GPHN: variants seen among roughly 807,000 people sequenced by gnomAD.
GPHN encodes the protein gephyrin.
A neutral mutation model predicts 95.5 loss-of-function variants in GPHN; 17 were observed. That is an observed-to-expected ratio of 0.18 (90% CI 0.12 to 0.27). GPHN has a LOEUF of 0.27. Ranked by LOEUF, GPHN falls within the 10% of genes least tolerant of loss-of-function variation. GPHN has a pLI of 1.00. For missense variants in GPHN, 660 were observed against 978.1 expected (o/e 0.67, Z 4.34); for synonymous variants, 320 against 322.5 (o/e 0.99, Z 0.08).
At chr14:67,734,769 G>A in the GPHN span, among the ~76,000 whole-genome samples, 1 of 152,194 alleles carries the variant, frequency 6.6e-6, no homozygotes, top group African/African-American at 2.4e-5. Context: ...AGTGCTGACG[G>A]AGACACTCTT....
the GPHN span, among the ~76,000 whole-genome samples, chr14:67,339,109 C>T: frequency 6.6e-6 from 1 of 151,102 alleles, no homozygotes; most frequent in South Asian, 2.1e-4. Context: ...CAATTCCTTG[C>T]CTCAGCCTCC....
chr14:67,381,833 G>A, the GPHN span: 1 of 564,960 alleles, frequency 1.8e-6, no homozygotes, highest in Non-Finnish European at 3.1e-6. Context: ...AGTGGTTCTT[G>A]GTAATATTTC....
chr14:66,791,187 A>T (rs571310746), intron 3 of GPHN, among the ~76,000 whole-genome samples: 2 of 152,200 alleles, frequency 1.3e-5, no homozygotes, highest in East Asian at 3.9e-4. Flanking sequence ...CCCATCCTTT[A>T]CCTGGGTACC....
intron 5 of GPHN, among the ~76,000 whole-genome samples, chr14:66,892,277 GC>G (rs375783392): frequency 1.2e-3 from 179 of 152,168 alleles, no homozygotes; most frequent in African/African-American, 3.9e-3. Flanking sequence ...AAAAAAATTA[GC>G]CAGTCCTGGT....
At chr14:66,663,725 G>T (rs2065788664) in intron 1 of GPHN, among the ~76,000 whole-genome samples, 1 of 152,168 alleles carries the variant, frequency 6.6e-6, no homozygotes. Context: ...ATGGTCTGCT[G>T]TCTTCAAGAG....
chr14:67,537,992 A>C, the GPHN span, among the ~76,000 whole-genome samples: 1 of 152,206 alleles, frequency 6.6e-6, no homozygotes, highest in Non-Finnish European at 1.5e-5. Flanking sequence ...AATCAAGAAA[A>C]CTATGAGTTT....
At chr14:67,709,629 C>A in the GPHN span, among the ~76,000 whole-genome samples, 1 of 152,148 alleles carries the variant, frequency 6.6e-6, no homozygotes, top group Non-Finnish European at 1.5e-5. Context: ...GTCCCTGGGC[C>A]TTGAGGAGTT....
chr14:67,555,066 C>T, the GPHN span, among the ~76,000 whole-genome samples: 1 of 152,062 alleles, frequency 6.6e-6, no homozygotes, highest in Non-Finnish European at 1.5e-5. Flanking sequence ...GCGCACACCG[C>T]CACGCTCAGC....
Position 67,075,103 on chromosome 14 carries a change from C to A in GPHN, c.1145-13880C>A, listed in dbSNP as rs193239406. Among the ~76,000 whole-genome samples the A allele has an allele frequency of 3.8e-3, 581 of 152,284 alleles. 5 individuals are homozygous for A. The highest frequency in any genetic ancestry group is 0.013 in the African/African-American group (559 of 41,560). On this transcript the variant is annotated intron_variant, in intron 11 of 22. Coordinates refer to ENST00000478722, the MANE Select transcript of GPHN (RefSeq NM_020806.5). ...GAAAAATTAATTCCTGTCTTCAAAGCTTTATAGGACAGGCTGATTCTCCTG... is the reference window on the plus strand; with the variant it reads ...GAAAAATTAATTCCTGTCTTCAAAGATTTATAGGACAGGCTGATTCTCCTG...
At chr14:66,804,918 G>C (rs1022001968) in intron 3 of GPHN, among the ~76,000 whole-genome samples, 1 of 152,140 alleles carries the variant, frequency 6.6e-6, no homozygotes, top group African/African-American at 2.4e-5. Flanking sequence ...AAATAAAAAA[G>C]ATACTTCTGT....
chr14:67,280,743 A>G, the GPHN span, among the ~76,000 whole-genome samples: 2 of 151,484 alleles, frequency 1.3e-5, no homozygotes, highest in African/African-American at 4.9e-5. Context: ...TACCATGTAT[A>G]TGCCAGATTT....
At chr14:67,542,248 G>A in the GPHN span, among the ~76,000 whole-genome samples, 8 of 152,188 alleles carry the variant, frequency 5.3e-5, no homozygotes, top group African/African-American at 1.9e-4. Flanking sequence ...CATCACTTCC[G>A]GAGTCACCTG....
intron 18 of GPHN, among the ~76,000 whole-genome samples, chr14:67,156,168 AGT>A (rs2081573460): frequency 6.6e-6 from 1 of 152,222 alleles, no homozygotes; most frequent in Non-Finnish European, 1.5e-5. Flanking sequence ...AATGTAAATG[AGT>A]GTTGATCATG....
the GPHN span, among the ~76,000 whole-genome samples, chr14:67,632,773 T>G: frequency 8.6e-6 from 1 of 116,046 alleles, no homozygotes; most frequent in African/African-American, 3.0e-5. Context: ...GGAGGTCTCT[T>G]TCTTTATTTT....
intron 3 of GPHN, among the ~76,000 whole-genome samples, chr14:66,776,949 C>A (rs2059402719): frequency 6.6e-6 from 1 of 151,976 alleles, no homozygotes; most frequent in Non-Finnish European, 1.5e-5. Flanking sequence ...AGGTTAGTTA[C>A]ATATGTATAC....
intron 10 of GPHN, among the ~76,000 whole-genome samples, chr14:67,053,225 A>G (rs1256397843): frequency 1.3e-5 from 2 of 148,476 alleles, no homozygotes; most frequent in Non-Finnish European, 3.0e-5. Flanking sequence ...TACTAGCTAG[A>G]CTAATAAGGA....
At chr14:67,469,440 CTTTTTT>C in the GPHN span, among the ~76,000 whole-genome samples, 22 of 80,878 alleles carry the variant, frequency 2.7e-4, no homozygotes, top group African/African-American at 1.0e-3. Flanking sequence ...CCATGCCTGG[CTTTTTT>C]TTTTTTTTTT....
chr14:66,964,802 G>A (rs1382211367), intron 8 of GPHN, among the ~76,000 whole-genome samples: 1 of 152,148 alleles, frequency 6.6e-6, no homozygotes, highest in Admixed American at 6.5e-5. Flanking sequence ...TGTGCATACA[G>A]GTCAGCTTAG....
the GPHN span, among the ~76,000 whole-genome samples, chr14:67,483,292 C>A: frequency 2.0e-5 from 3 of 152,240 alleles, no homozygotes; most frequent in African/African-American, 7.2e-5. Context: ...ATTATAGGCA[C>A]GAGTCACCAC....
Sources: gnomAD v4.1 joint callset for allele counts (sites outside exome capture counted in the v4.1 genomes callset) on GRCh38, gnomAD v4.1.1 for gene constraint, MANE v1.5 for transcripts, NCBI Gene and HGNC (gene_info 2026-07-23, HGNC 2026-07-21) for gene names.